Variants in MYNN observed in about 807,000 individuals in gnomAD.
MYNN encodes the protein myoneurin.
Under a neutral mutation model 57.2 loss-of-function variants are expected in MYNN, and 22 were observed. The observed-to-expected ratio is 0.38, with a 90% CI of 0.27 to 0.55. MYNN has a LOEUF of 0.55. Ranked by LOEUF, MYNN falls within the 20% of genes least tolerant of loss-of-function variation. The probability of loss-of-function intolerance (pLI) is 0.71; values close to 1 mark genes in which losing one functional copy is unlikely to be tolerated. For synonymous variants in MYNN, 241 were observed against 257.1 expected (o/e 0.94, Z 0.60); for missense variants, 566 against 723.1 (o/e 0.78, Z 2.49).
rs939954241 is a variant in MYNN at position 169,782,769 on chromosome 3, A to G, written c.1399+126A>G. 2.9e-6 allele frequency: 2 copies of G among 683,424 alleles called. No individual in the cohort carries two copies. Among genetic ancestry groups the G allele is most frequent in the Admixed American group, 3.3e-5 (1 of 30,344 alleles). The allele number at this position is 683,424 out of a possible 1,614,324, so 42.3% of individuals were successfully genotyped here. A position where few individuals can be genotyped will look rare whatever the true frequency, so the allele number is the denominator to read the frequency against. On this transcript the variant is annotated intron_variant, in intron 5 of 7. Coordinates refer to ENST00000349841, the MANE Select transcript of MYNN (RefSeq NM_018657.5). The surrounding 1 kb of genome is among the most constrained non-coding windows in gnomAD (Gnocchi z 4.8). ...ATATCTGTTTATATTTCTATAAGCT[A>G]TGTTTATGATTTTTGCACATATTTG...
intron 3 of MYNN, chr3:169,779,975 A>G (rs1778461340): frequency 5.6e-6 from 1 of 177,600 alleles, no homozygotes; most frequent in South Asian, 1.3e-4. Context: ...GTGTTCCCTA[A>G]GCTTCTACAG....
Position 169,774,380 on chromosome 3 carries a change from G to C in MYNN, c.85G>C (p.Val29Leu), listed in dbSNP as rs1381356603. 6.2e-7 allele frequency: 1 copy of C among 1,614,046 alleles called. No individual in the cohort carries two copies. Among genetic ancestry groups the C allele is most frequent in the African/African-American group, 1.3e-5 (1 of 74,932 alleles). ...EAGFLCDCTI[V>L]IGEFQFKAHR... ...AGGTTTTCTCTGTGACTGTACCATA[G>C]TGATTGGGGAATTCCAGTTTAAAGC... is the stretch of plus-strand genomic sequence containing the variant. Residue 29 changes from valine (V) to leucine (L), a missense_variant, in exon 2 of 8, where the codon GTG becomes CTG. By Grantham distance (32) the Val-to-Leu change is conservative. Transcript: ENST00000349841.
rs563594296 is a variant in MYNN at position 169,778,926 on chromosome 3, C to T, written c.425C>T (p.Thr142Ile). The change falls in exon 3 of 8, where the codon ACT (threonine) becomes ATT (isoleucine). Residue 142 changes from threonine (T) to isoleucine (I), a missense_variant. Physicochemically the swap from Thr to Ile is moderately conservative, Grantham distance 89. Coordinates refer to ENST00000349841, the MANE Select transcript of MYNN (RefSeq NM_018657.5). ...GGAAACATTGAATTGAATCAACAGA[C>T]TTGTCTTCTTACTCTGCGAGATTAT... Reference protein sequence around the residue: ...ITGNIELNQQTCLLTLRDYNN... With the variant: ...ITGNIELNQQICLLTLRDYNN... The T allele has an allele frequency of 6.2e-7, 1 of 1,613,982 alleles. No homozygotes were observed. Among genetic ancestry groups the T allele is most frequent in the East Asian group, 2.2e-5 (1 of 44,878 alleles).
At chr3:169,775,625 T>C (rs907893266) in intron 2 of MYNN, among the ~76,000 whole-genome samples, 5 of 152,146 alleles carry the variant, frequency 3.3e-5, no homozygotes, top group African/African-American at 9.7e-5. Context: ...CCACTGAACG[T>C]TAATTTCTTT....
intron 6 of MYNN, among the ~76,000 whole-genome samples, chr3:169,784,099 A>G (rs1778602641): frequency 6.6e-6 from 1 of 151,992 alleles, no homozygotes; most frequent in Admixed American, 6.6e-5. Flanking sequence ...TGAGTACTTA[A>G]TAGAGATTTA....
chr3:169,779,680 C>G, intron 3 of MYNN, 119 bp downstream of exon 3: 1 of 1,051,666 alleles, frequency 9.5e-7, no homozygotes, highest in African/African-American at 1.6e-5. Flanking sequence ...TTCTATTCAT[C>G]AAAGTATTTA....
chr3:169,786,351 A>T, intron 7 of MYNN, 65 bp from the exon 8 acceptor site: 1 of 1,451,238 alleles, frequency 6.9e-7, no homozygotes, highest in Admixed American at 2.0e-5. Flanking sequence ...TAAGTACATT[A>T]GTCTACCTCA....
Position 169,782,708 on chromosome 3 carries a change from C to A in MYNN, c.1399+65C>A. ...AAATAAAAGAAAAAGGGGACTTGGG[C>A]CTTTTAGCGAAGTAGATCGGAAACT... On this transcript the variant is annotated intron_variant, in intron 5 of 7. Coordinates refer to ENST00000349841, the MANE Select transcript of MYNN (RefSeq NM_018657.5). The surrounding 1 kb of genome is among the most constrained non-coding windows in gnomAD (Gnocchi z 4.8). The A allele has an allele frequency of 7.3e-7, 1 of 1,362,710 alleles. No homozygotes were observed. 84.4% of individuals were successfully genotyped at this position (1,362,710 alleles called of 1,614,324 possible).
chr3:169,786,433 G>T lies in MYNN; in HGVS notation c.1588G>T (p.Asp530Tyr). Residue 530 changes from aspartate (D) to tyrosine (Y), a missense_variant, in exon 8 of 8, where the codon GAC becomes TAC. By Grantham distance (160) the Asp-to-Tyr change is radical (BLOSUM62 -3). Coordinates refer to ENST00000349841, the MANE Select transcript of MYNN (RefSeq NM_018657.5). Reference protein sequence around the residue: ...KVHSGADKTLDSSAEDHTLSE... With the variant: ...KVHSGADKTLYSSAEDHTLSE... ...CATTCTAGGTGCAGATAAAACTCTAGACTCCAGTGCAGAGGATCATACTTT... is the reference window on the plus strand; with the variant it reads ...CATTCTAGGTGCAGATAAAACTCTATACTCCAGTGCAGAGGATCATACTTT... 6.2e-7 allele frequency: 1 copy of T among 1,611,832 alleles called. No homozygotes were observed. Among genetic ancestry groups the T allele is most frequent in the Non-Finnish European group, 8.5e-7 (1 of 1,178,562 alleles).
intron 2 of MYNN, among the ~76,000 whole-genome samples, 184 bp downstream of exon 2, chr3:169,774,745 A>C (rs1356452743): frequency 6.6e-6 from 1 of 152,250 alleles, no homozygotes; most frequent in African/African-American, 2.4e-5. Context: ...ATTTTTCATA[A>C]GCACAGATAA....
intron 4 of MYNN, among the ~76,000 whole-genome samples, chr3:169,781,911 G>C (rs145615297): frequency 6.6e-6 from 1 of 151,514 alleles, no homozygotes; most frequent in Non-Finnish European, 1.5e-5. Flanking sequence ...TTTGTTTTTG[G>C]TTTTTTTTTA....
At chr3:169,780,806 G>A in intron 4 of MYNN, 57 bp downstream of exon 4, 1 of 1,307,084 alleles carries the variant, frequency 7.7e-7, no homozygotes, top group Non-Finnish European at 1.0e-6. Context: ...ATAGTCTTAT[G>A]AATAGACTAT....
chr3:169,786,558 G>A lies in MYNN; in HGVS notation c.1713G>A (p.Glu571=), dbSNP rs1778684289. 1 of 1,613,526 alleles carries A rather than the reference G, an allele frequency of 6.2e-7. No homozygotes were observed. Among genetic ancestry groups the A allele is most frequent in the Non-Finnish European group, 8.5e-7 (1 of 1,179,696 alleles). Residue 571 remains glutamate (E), a synonymous_variant, in exon 8 of 8, where the codon GAG becomes GAA. Coordinates refer to ENST00000349841, the MANE Select transcript of MYNN (RefSeq NM_018657.5). ...CATTAGCTCTTCCACTTGGGACTGAGGACCATCACATGCTTCTGCCTGTCA... is the reference window on the plus strand; with the variant it reads ...CATTAGCTCTTCCACTTGGGACTGAAGACCATCACATGCTTCTGCCTGTCA... ...TLPLALPLGT[E]DHHMLLPVTD... is the part of the protein sequence containing the mutation.
chr3:169,774,285 C>A lies in MYNN; in HGVS notation c.-11C>A. The A allele has an allele frequency of 6.2e-7, 1 of 1,610,338 alleles. No homozygotes were observed. The highest frequency in any genetic ancestry group is 8.5e-7 in the Non-Finnish European group (1 of 1,177,138). On this transcript the variant is annotated 5_prime_UTR_variant, in exon 2 of 8. The change creates a new upstream start codon in the 5' untranslated region. Coordinates refer to ENST00000349841, the MANE Select transcript of MYNN (RefSeq NM_018657.5). ...TTTAGATCAAGGGTAAAATTCCATT[C>A]TGATATCAAAATGCAGTATTCGCAC...
chr3:169,784,746 T>A, intron 7 of MYNN, 38 bp downstream of exon 7: 2 of 1,363,292 alleles, frequency 1.5e-6, no homozygotes, highest in Non-Finnish European at 2.0e-6. Flanking sequence ...TTGTTTGTTT[T>A]AATTTGGTGC....
intron 3 of MYNN, 139 bp downstream of exon 3, chr3:169,779,700 A>AC: frequency 1.1e-6 from 1 of 880,666 alleles, no homozygotes; most frequent in Non-Finnish European, 1.7e-6. Context: ...AACAGTGTTA[A>AC]ACTGTTGAAA....
Position 169,788,577 on chromosome 3 carries a change from T to C in MYNN, c.*1899T>C, listed in dbSNP as rs1328440131. On this transcript the variant is annotated 3_prime_UTR_variant, in exon 8 of 8. Coordinates refer to ENST00000349841, the MANE Select transcript of MYNN (RefSeq NM_018657.5). ...TGAACAAAAAACTGCTACAGTGACG[T>C]CATAATTCTATAAGGGCAATAGTTG... 1 of 152,194 alleles carries C rather than the reference T, an allele frequency of 6.6e-6. No individual in the cohort carries two copies. The highest frequency in any genetic ancestry group is 1.5e-5 in the Non-Finnish European group (1 of 67,990). The allele number at this position is 152,194 out of a possible 1,614,324, so 9.4% of individuals were successfully genotyped here.
rs1778432761 is a variant in MYNN, at chr3:169,779,035, A to G, written c.534A>G (p.Gln178=). ...GCGCGTTAGCGAAAAAGTCATCTCA[A>G]ACGAAAAAGAAGAAGAAGGCTTTCA... The part of the protein sequence containing the change: ...KQGALAKKSS[Q]TKKKKKAFNS... Residue 178 remains glutamine (Q), a synonymous_variant, in exon 3 of 8, where the codon CAA becomes CAG. Transcript: ENST00000349841. 1 of 1,614,088 alleles carries G rather than the reference A, an allele frequency of 6.2e-7. No individual in the cohort carries two copies. Among genetic ancestry groups the G allele is most frequent in the Non-Finnish European group, 8.5e-7 (1 of 1,180,042 alleles).
chr3:169,775,062 A>C (rs2108196747), intron 2 of MYNN, among the ~76,000 whole-genome samples: 1 of 152,218 alleles, frequency 6.6e-6, no homozygotes, highest in South Asian at 2.1e-4. Context: ...CTGCAAACAA[A>C]AAATTCTAAG....
Sources: gnomAD v4.1 joint callset for allele counts (sites outside exome capture counted in the v4.1 genomes callset) on GRCh38, gnomAD v4.1.1 for gene constraint, Gnocchi (gnomAD v3.1) non-coding constraint, MANE v1.5 for transcripts, NCBI Gene and HGNC (gene_info 2026-07-23, HGNC 2026-07-21) for gene names.